DSCAML1: variants seen among roughly 807,000 people sequenced by gnomAD.
DSCAML1 encodes DS cell adhesion molecule like 1.
A neutral mutation model predicts 200.5 loss-of-function variants in DSCAML1; 38 were observed. The observed-to-expected ratio is 0.19, with a 90% CI of 0.15 to 0.25. DSCAML1 has a LOEUF of 0.25. Among genes scored for constraint, DSCAML1 ranks in the 10% least tolerant of loss-of-function variants. The probability of loss-of-function intolerance (pLI) is 1.00; values close to 1 mark genes in which losing one functional copy is unlikely to be tolerated. For synonymous variants in DSCAML1, 1,215 were observed against 1,165.0 expected (o/e 1.04, Z -0.87); for missense variants, 2,223 against 2,858.8 (o/e 0.78, Z 5.07).
intron 3 of DSCAML1, among the ~76,000 whole-genome samples, chr11:117,755,398 T>C (rs1198610787): frequency 1.3e-5 from 2 of 152,098 alleles, no homozygotes; most frequent in Non-Finnish European, 2.9e-5. Flanking sequence ...AGATAACGCT[T>C]GTGAAATAAT....
At chr11:117,644,716 C>CA (rs2052486119) in intron 3 of DSCAML1, among the ~76,000 whole-genome samples, 1 of 152,000 alleles carries the variant, frequency 6.6e-6, no homozygotes, top group Non-Finnish European at 1.5e-5. Context: ...GGGCAGGGGA[C>CA]CCCCCCTCTG....
intron 1 of DSCAML1, among the ~76,000 whole-genome samples, chr11:117,786,014 T>C (rs1434784953): frequency 6.6e-6 from 1 of 152,134 alleles, no homozygotes; most frequent in Non-Finnish European, 1.5e-5. Context: ...TCATGCCTTC[T>C]CTCCAAGCTG....
At chr11:117,631,047 T>C (rs1196839425) in intron 3 of DSCAML1, among the ~76,000 whole-genome samples, 1 of 152,138 alleles carries the variant, frequency 6.6e-6, no homozygotes, top group Non-Finnish European at 1.5e-5. Context: ...GAAATTCTAA[T>C]ATTTTATAGG....
chr11:117,527,863 G>A (rs886614351), intron 4 of DSCAML1, among the ~76,000 whole-genome samples: 4 of 152,168 alleles, frequency 2.6e-5, no homozygotes, highest in Non-Finnish European at 5.9e-5. Context: ...CTCGTCAGGG[G>A]CTGCCTGTGG....
intron 1 of DSCAML1, among the ~76,000 whole-genome samples, chr11:117,814,847 T>C (rs2055790414): frequency 6.6e-6 from 1 of 152,200 alleles, no homozygotes; most frequent in Admixed American, 6.5e-5. Context: ...GCCTCCAGGC[T>C]ACTCCTGGAT....
chr11:117,431,446 G>C, intron 31 of DSCAML1, 88 bp downstream of exon 31: 1 of 1,265,250 alleles, frequency 7.9e-7, no homozygotes. Context: ...TGAGCTGGTG[G>C]GTAGAAGCTG....
At chr11:117,532,968 TA>T (rs35256328) in intron 3 of DSCAML1, among the ~76,000 whole-genome samples, 20,411 of 142,630 alleles carry the variant, frequency 0.14, 1,743 homozygotes, top group East Asian at 0.26. Flanking sequence ...CCCTGTCTAT[TA>T]AAAAAAAAAA....
intron 27 of DSCAML1, 49 bp downstream of exon 27, chr11:117,435,595 G>A (rs1329146305): frequency 1.9e-6 from 3 of 1,545,722 alleles, no homozygotes; most frequent in South Asian, 2.4e-5. Flanking sequence ...GGACAATGTG[G>A]CTGAGAGCCA....
intron 3 of DSCAML1, among the ~76,000 whole-genome samples, chr11:117,577,499 TTCCTTCCCTCCTTCCTTCCTTCC>T (rs2050963297): frequency 6.1e-5 from 1 of 16,404 alleles, no homozygotes; most frequent in African/African-American, 1.3e-4. Context: ...CCTTCCTTCC[TTCCTTCCCTCCTTCCTTCCTTCC>T]TTCCTTCCTT....
intron 3 of DSCAML1, among the ~76,000 whole-genome samples, chr11:117,583,549 TCTC>T (rs2051082906): frequency 6.6e-6 from 1 of 152,064 alleles, no homozygotes; most frequent in African/African-American, 2.4e-5. Flanking sequence ...GGCTCTCTCT[TCTC>T]CAGTCCCTGC....
intron 20 of DSCAML1, among the ~76,000 whole-genome samples, chr11:117,447,658 C>G (rs1200365734): frequency 6.6e-6 from 1 of 152,106 alleles, no homozygotes; most frequent in African/African-American, 2.4e-5. Context: ...GTGGCCATCC[C>G]CAGGGGTAGC....
intron 14 of DSCAML1, among the ~76,000 whole-genome samples, chr11:117,477,349 A>AGTGTGTGTGTGTGTGTGTGTGTGTGT (rs5795087): frequency 7.1e-6 from 1 of 140,098 alleles, no homozygotes; most frequent in African/African-American, 2.7e-5. Flanking sequence ...TGGTTCTGAA[A>AGTGTGTGTGTGTGTGTGTGTGTGTGT]GTGTGTGTGT....
chr11:117,523,632 A>G (rs1397443010), intron 5 of DSCAML1, among the ~76,000 whole-genome samples: 2 of 152,128 alleles, frequency 1.3e-5, no homozygotes, highest in Non-Finnish European at 2.9e-5. Flanking sequence ...GAGGAAGGAG[A>G]CTCAGCCCTT....
chr11:117,701,936 A>G (rs1431316683), intron 3 of DSCAML1, among the ~76,000 whole-genome samples: 3 of 152,148 alleles, frequency 2.0e-5, no homozygotes, highest in Non-Finnish European at 4.4e-5. Flanking sequence ...GGGTAAACAG[A>G]CAGCGCGTGG....
intron 7 of DSCAML1, among the ~76,000 whole-genome samples, chr11:117,517,254 A>G (rs1194463095): frequency 6.6e-6 from 1 of 152,250 alleles, no homozygotes; most frequent in Admixed American, 6.5e-5. Flanking sequence ...CTTTCGTTCA[A>G]CAAGTAAATG....
At chr11:117,627,464 G>A (rs183726250) in intron 3 of DSCAML1, among the ~76,000 whole-genome samples, 6 of 152,064 alleles carry the variant, frequency 3.9e-5, no homozygotes, top group African/African-American at 7.2e-5. Context: ...GTACAATGCC[G>A]GGAGAGGTGC....
At chr11:117,699,779 T>C (rs1199791566) in intron 3 of DSCAML1, among the ~76,000 whole-genome samples, 3 of 152,218 alleles carry the variant, frequency 2.0e-5, no homozygotes, top group Non-Finnish European at 2.9e-5. Context: ...CAGCTGCACA[T>C]TTGATTGCAT....
chr11:117,446,394 C>A (rs1318695121), intron 20 of DSCAML1, among the ~76,000 whole-genome samples: 1 of 151,614 alleles, frequency 6.6e-6, no homozygotes, highest in South Asian at 2.1e-4. Context: ...AAACAAAAAA[C>A]CAGAATCAAT....
At chr11:117,800,874 CA>C (rs750179746), upstream of DSCAML1, 1 of 152,230 alleles carries the variant, frequency 6.6e-6, no homozygotes, top group South Asian at 2.1e-4. Flanking sequence ...TTGTTTAACT[CA>C]AACAATAAGC....
Sources: gnomAD v4.1 joint callset for allele counts (sites outside exome capture counted in the v4.1 genomes callset) on GRCh38, gnomAD v4.1.1 for gene constraint, MANE v1.5 for transcripts, NCBI Gene and HGNC (gene_info 2026-07-23, HGNC 2026-07-21) for gene names.